TMEM43: variants seen among roughly 807,000 people sequenced by gnomAD.
TMEM43 encodes transmembrane protein 43.
A neutral mutation model predicts 49.6 loss-of-function variants in TMEM43; 45 were observed. The ratio of observed to expected loss-of-function variants is 0.91; its 90% CI spans 0.71 to 1.16. The LOEUF (loss-of-function observed/expected upper bound fraction) is 1.16, where lower values mean the gene tolerates loss of function less well. Among genes scored for constraint, TMEM43 ranks in the 50% most tolerant of loss-of-function variants. The probability of loss-of-function intolerance (pLI) is 0.00; values close to 1 mark genes in which losing one functional copy is unlikely to be tolerated. For synonymous variants in TMEM43, 199 were observed against 207.8 expected (o/e 0.96, Z 0.36); for missense variants, 532 against 516.6 (o/e 1.03, Z -0.29).
intron 8 of TMEM43, 23 bp from the exon 9 acceptor site, chr3:14,135,135 C>T: frequency 1.2e-6 from 2 of 1,607,484 alleles, no homozygotes; most frequent in East Asian, 2.2e-5. Flanking sequence ...TCCTCACTCT[C>T]CCTGCTTCTC....
At chr3:14,126,901 A>C (rs181970886) in intron 1 of TMEM43, among the ~76,000 whole-genome samples, 1 of 152,346 alleles carries the variant, frequency 6.6e-6, no homozygotes, top group East Asian at 1.9e-4. Context: ...TGGTGAAGGT[A>C]CTATTCCCCT....
intron 1 of TMEM43, among the ~76,000 whole-genome samples, chr3:14,126,209 G>A (rs1387332836): frequency 6.6e-6 from 1 of 152,146 alleles, no homozygotes; most frequent in East Asian, 1.9e-4. Flanking sequence ...ACACTCCCAG[G>A]ACATTTCGGG....
At position 14,131,561 on chromosome 3, in the gene TMEM43, T is replaced by C. The variant is rs746332499; in HGVS notation, c.298-19T>C. On this transcript the variant is annotated intron_variant, in intron 3 of 11. Transcript: ENST00000306077. ...AATGTTATCCTTTATTTTTTTGGTT[T>C]CTTTGATTCTGTTTGAAGCTTTTGT... 6.2e-7 allele frequency: 1 copy of C among 1,611,932 alleles called. No homozygotes were observed. Among genetic ancestry groups the C allele is most frequent in the South Asian group, 1.1e-5 (1 of 90,954 alleles).
At position 14,139,197 on chromosome 3, in the gene TMEM43, A is replaced by G. The variant is rs758427713; in HGVS notation, c.900A>G (p.Glu300=). The change falls in exon 11 of 12, where the codon GAA becomes GAG. Residue 300 remains glutamate, a synonymous_variant. Transcript: ENST00000306077. ...DFSAEEVFHR[E]LRSNSMKTWG... is the part of the protein sequence containing the mutation. ...TCCTGCAGGAGGTGTTTCATAGAGA[A>G]CTAAGGAGCAACTCCATGAAGACCT... 8.1e-6 allele frequency: 13 copies of G among 1,613,720 alleles called. No homozygotes were observed. The highest frequency in any genetic ancestry group is 1.3e-5 in the African/African-American group (1 of 74,908).
chr3:14,132,999 T>G (rs1695118495), intron 6 of TMEM43, 64 bp downstream of exon 6: 1 of 1,347,270 alleles, frequency 7.4e-7, no homozygotes, highest in Non-Finnish European at 1.1e-6. Flanking sequence ...CAGCCTCAGT[T>G]TCTTCATCTG....
chr3:14,135,481 G>A (rs1019137031), intron 9 of TMEM43, among the ~76,000 whole-genome samples: 6 of 152,172 alleles, frequency 3.9e-5, no homozygotes, highest in Non-Finnish European at 7.4e-5. Flanking sequence ...TATGACAGGT[G>A]TTCCAGTCAC....
At chr3:14,126,312 C>G (rs764047300) in intron 1 of TMEM43, among the ~76,000 whole-genome samples, 2 of 152,200 alleles carry the variant, frequency 1.3e-5, no homozygotes, top group African/African-American at 2.4e-5. Flanking sequence ...AGAGGGCAGT[C>G]AGGAGACCAG....
chr3:14,126,546 C>T (rs147545399), intron 1 of TMEM43, among the ~76,000 whole-genome samples: 286 of 152,298 alleles, frequency 1.9e-3, no homozygotes, highest in Middle Eastern at 6.8e-3. Context: ...TTTCATCTCT[C>T]CAGGTTTATG....
At chr3:14,132,413 G>A (rs556720419) in intron 4 of TMEM43, 133 bp from the exon 5 acceptor site, 118 of 873,826 alleles carry the variant, frequency 1.4e-4, no homozygotes, top group Non-Finnish European at 1.9e-4. Context: ...TGGGGCTGGT[G>A]TAGAGAAGGC....
chr3:14,143,297 G>A lies in TMEM43; in HGVS notation c.*1502G>A, dbSNP rs1159018231. On this transcript the variant is annotated 3_prime_UTR_variant, in exon 12 of 12. Coordinates refer to ENST00000306077, the MANE Select transcript of TMEM43 (RefSeq NM_024334.3). ...AGGGGTCAGAACTTCTGAAACCAGA[G>A]ATCTGTAATCATCTCTATTGGCCTG... 1 of 152,216 alleles carries A rather than the reference G, an allele frequency of 6.6e-6. No homozygotes were observed. The highest frequency in any genetic ancestry group is 6.5e-5 in the Admixed American group (1 of 15,286). 9.4% of individuals were successfully genotyped at this position (152,216 alleles called of 1,614,324 possible).
In TMEM43 at chr3:14,133,770, G is replaced by A. The variant is rs757013233; in HGVS notation, c.544G>A (p.Ala182Thr). The A allele has an allele frequency of 1.2e-6, 2 of 1,614,178 alleles. No homozygotes were observed. Among genetic ancestry groups the A allele is most frequent in the Admixed American group, 1.7e-5 (1 of 60,030 alleles). ...GGCAGTGGAGTCATTCATGGCAACA[G>A]CCCCCTTTGTCCAAATTGGCAGGTT... ...AMAVESFMAT[A>T]PFVQIGRFFL... The change falls in exon 7 of 12, where the codon GCC becomes ACC. Residue 182 changes from alanine (A) to threonine (T), a missense_variant. Coordinates refer to ENST00000306077, the MANE Select transcript of TMEM43 (RefSeq NM_024334.3).
chr3:14,132,774 C>T, intron 5 of TMEM43, 92 bp from the exon 6 acceptor site: 1 of 1,442,676 alleles, frequency 6.9e-7, no homozygotes, highest in Non-Finnish European at 9.8e-7. Flanking sequence ...TGACCCACCC[C>T]TTTGGCTGTG....
chr3:14,125,722 A>G (rs1695010618), intron 1 of TMEM43, among the ~76,000 whole-genome samples: 1 of 152,124 alleles, frequency 6.6e-6, no homozygotes, highest in Non-Finnish European at 1.5e-5. Flanking sequence ...TGATGCTCCA[A>G]AAAGCTTAGG....
At chr3:14,139,103 C>T (rs1695214750) in intron 10 of TMEM43, 77 bp from the exon 11 acceptor site, 2 of 1,045,726 alleles carry the variant, frequency 1.9e-6, no homozygotes, top group Non-Finnish European at 3.0e-6. Flanking sequence ...TTGGTACAGC[C>T]CCCTCAGGAC....
At chr3:14,135,091 CATCCTG>C in intron 8 of TMEM43, 61 bp from the exon 9 acceptor site, 8 of 1,524,348 alleles carry the variant, frequency 5.2e-6, no homozygotes, top group Non-Finnish European at 7.2e-6. Context: ...GTAGCCGAGG[CATCCTG>C]GACCTGGGCC....
intron 11 of TMEM43, 78 bp from the exon 12 acceptor site, chr3:14,141,515 A>G: frequency 7.2e-7 from 1 of 1,387,050 alleles, no homozygotes; most frequent in Non-Finnish European, 1.0e-6. Context: ...GCCCATCCTC[A>G]TCTAGGGACA....
intron 10 of TMEM43, 108 bp downstream of exon 10, chr3:14,136,016 G>T: frequency 1.0e-6 from 1 of 967,012 alleles, no homozygotes; most frequent in East Asian, 2.4e-5. Flanking sequence ...CAGTGAATGA[G>T]GCAAGAAGAA....
chr3:14,126,167 C>T (rs1023696824), intron 1 of TMEM43, among the ~76,000 whole-genome samples: 2 of 152,166 alleles, frequency 1.3e-5, no homozygotes, highest in Non-Finnish European at 2.9e-5. Flanking sequence ...ACCCACAGCC[C>T]TAGTACACTT....
At chr3:14,136,530 G>A (rs147565477) in intron 10 of TMEM43, among the ~76,000 whole-genome samples, 5 of 152,202 alleles carry the variant, frequency 3.3e-5, no homozygotes, top group African/African-American at 1.2e-4. Flanking sequence ...TTTCTGCAGT[G>A]ATCAAGCAGG....
Sources: allele counts gnomAD v4.1 joint callset (sites outside exome capture counted in the v4.1 genomes callset), GRCh38; gene constraint gnomAD v4.1.1; transcripts MANE v1.5; gene names NCBI Gene and HGNC (gene_info 2026-07-23, HGNC 2026-07-21).